Variants in DYNLT2 observed in about 807,000 individuals in gnomAD.
DYNLT2 encodes dynein light chain Tctex-type protein 2.
DYNLT2 carries 24 observed loss-of-function variants against 24.3 expected under a neutral mutation model. The observed-to-expected ratio is 0.99, with a 90% CI of 0.71 to 1.39. DYNLT2 has a LOEUF of 1.39. Ranked by LOEUF, DYNLT2 falls within the 40% of genes most tolerant of loss-of-function variation. The probability of loss-of-function intolerance (pLI) is 0.00; values close to 1 mark genes in which losing one functional copy is unlikely to be tolerated. For missense variants in DYNLT2, 246 were observed against 234.5 expected, an observed-to-expected ratio of 1.05 and a Z score of -0.32; for synonymous variants, 85 against 85.4, an observed-to-expected ratio of 1.00 and a Z score of 0.03.
downstream of DYNLT2, among the ~76,000 whole-genome samples, chr6:169,735,905 C>A (rs1483686103): frequency 6.6e-6 from 1 of 152,086 alleles, no homozygotes; most frequent in Non-Finnish European, 1.5e-5. Context: ...CTCACTATCA[C>A]TGTGTGGGAG....
At chr6:169,735,560 C>T (rs922211482), downstream of DYNLT2, among the ~76,000 whole-genome samples, 3 of 152,178 alleles carry the variant, frequency 2.0e-5, no homozygotes, top group African/African-American at 7.2e-5. Context: ...CATTCAGGAG[C>T]AGGTTGTTCA....
chr6:169,734,053 TG>T, the DYNLT2 span, among the ~76,000 whole-genome samples: 1 of 152,166 alleles, frequency 6.6e-6, no homozygotes, highest in Non-Finnish European at 1.5e-5. Flanking sequence ...TGAGTGTGAA[TG>T]GGAGTTTATT....
chr6:169,730,209 T>G, the DYNLT2 span, among the ~76,000 whole-genome samples: 1 of 152,200 alleles, frequency 6.6e-6, no homozygotes, highest in Admixed American at 6.5e-5. Context: ...TGCCTTGTTT[T>G]GGATGGCTCA....
At chr6:169,751,172 C>T (rs1200948102) in intron 1 of DYNLT2, 167 bp downstream of exon 1, 8 of 1,078,062 alleles carry the variant, frequency 7.4e-6, no homozygotes, top group Non-Finnish European at 1.1e-5. Context: ...GACTGCCCAA[C>T]TCAGTCTCAG....
chr6:169,729,686 T>G, the DYNLT2 span, among the ~76,000 whole-genome samples: 1 of 152,184 alleles, frequency 6.6e-6, no homozygotes, highest in African/African-American at 2.4e-5. Flanking sequence ...GGGAGGTGAT[T>G]AGATTTACAT....
intron 1 of DYNLT2, among the ~76,000 whole-genome samples, chr6:169,746,754 C>A (rs1013745805): frequency 4.6e-5 from 7 of 151,974 alleles, no homozygotes; most frequent in Non-Finnish European, 1.5e-5. Context: ...AGGCCTCTGG[C>A]AATGTGCTGG....
chr6:169,730,791 A>G, the DYNLT2 span, among the ~76,000 whole-genome samples: 1 of 152,196 alleles, frequency 6.6e-6, no homozygotes, highest in African/African-American at 2.4e-5. Flanking sequence ...CCAGCTACTC[A>G]GGAGGCTGAG....
chr6:169,751,533 G>A lies in DYNLT2; in HGVS notation c.-75C>T, dbSNP rs1247163780. ...TCAAACGCCCTAGCCAGTCCCGCGA[G>A]GGCGGAAGTCTCCCACCTGCGCCTC... On this transcript the variant is annotated 5_prime_UTR_variant, in exon 1 of 4. Coordinates refer to ENST00000366774, the MANE Select transcript of DYNLT2 (RefSeq NM_174910.3). 35 of 1,610,478 alleles carry A rather than the reference G, an allele frequency of 2.2e-5. No individual in the cohort carries two copies. Among genetic ancestry groups the A allele is most frequent in the Admixed American group, 3.4e-5 (2 of 59,396 alleles).
the DYNLT2 span, among the ~76,000 whole-genome samples, chr6:169,727,650 A>G: frequency 2.0e-5 from 3 of 151,446 alleles, no homozygotes; most frequent in Non-Finnish European, 4.4e-5. Flanking sequence ...TGCAAGCTCC[A>G]CCTCCTGGGT....
the DYNLT2 span, among the ~76,000 whole-genome samples, chr6:169,730,841 T>G: frequency 1.3e-5 from 2 of 152,202 alleles, no homozygotes; most frequent in African/African-American, 4.8e-5. Context: ...GAGCTTGCAG[T>G]GAGCCGATGG....
chr6:169,740,135 T>C lies in DYNLT2; in HGVS notation c.*50A>G. On this transcript the variant is annotated 3_prime_UTR_variant, in exon 4 of 4. Coordinates refer to ENST00000366774, the MANE Select transcript of DYNLT2 (RefSeq NM_174910.3). ...GAGGTTTACAAATATGTAAATTTCATTTATTTTTGAAAAGTTCGGAAGTAA... is the reference window on the plus strand; with the variant it reads ...GAGGTTTACAAATATGTAAATTTCACTTATTTTTGAAAAGTTCGGAAGTAA... 8.2e-7 allele frequency: 1 copy of C among 1,219,088 alleles called. No individual in the cohort carries two copies. The highest frequency in any genetic ancestry group is 1.3e-5 in the South Asian group (1 of 78,910). 75.5% of individuals were successfully genotyped at this position (1,219,088 alleles called of 1,614,324 possible).
intron 1 of DYNLT2, among the ~76,000 whole-genome samples, chr6:169,748,535 CATAA>C (rs773715438): frequency 3.3e-5 from 5 of 152,228 alleles, no homozygotes; most frequent in East Asian, 1.9e-4. Context: ...AAGTCCCTCA[CATAA>C]ATAAATCTCT....
chr6:169,732,897 A>C, the DYNLT2 span, among the ~76,000 whole-genome samples: 1 of 152,162 alleles, frequency 6.6e-6, no homozygotes, highest in Non-Finnish European at 1.5e-5. Context: ...TTACATTCTC[A>C]CCAACAGTGT....
chr6:169,736,142 GTT>G (rs59505534), downstream of DYNLT2, among the ~76,000 whole-genome samples: 4 of 142,966 alleles, frequency 2.8e-5, no homozygotes, highest in Admixed American at 1.4e-4. Flanking sequence ...TTTTTTGTTT[GTT>G]TTTTTTTTTG....
At chr6:169,738,014 T>C (rs776412979), downstream of DYNLT2, among the ~76,000 whole-genome samples, 1 of 152,038 alleles carries the variant, frequency 6.6e-6, no homozygotes, top group African/African-American at 2.4e-5. Context: ...GCTGGAGTTA[T>C]TGGAGATCCT....
intron 1 of DYNLT2, 65 bp from the exon 2 acceptor site, chr6:169,744,339 G>T: frequency 7.2e-7 from 1 of 1,391,176 alleles, no homozygotes; most frequent in Non-Finnish European, 9.9e-7. Flanking sequence ...CTGTAAATGA[G>T]TTTTCAGATT....
the DYNLT2 span, among the ~76,000 whole-genome samples, chr6:169,733,227 C>G: frequency 6.6e-6 from 1 of 151,232 alleles, no homozygotes; most frequent in Non-Finnish European, 1.5e-5. Flanking sequence ...TTCTCCCATT[C>G]TGTAGGTTGC....
chr6:169,725,467 A>G, the DYNLT2 span: 878 of 397,184 alleles, frequency 2.2e-3, 3 homozygotes, highest in African/African-American at 0.015. Context: ...CCTCAAGCCG[A>G]TCCTAATCCA....
chr6:169,737,125 T>G (rs981748812), downstream of DYNLT2, among the ~76,000 whole-genome samples: 1 of 152,220 alleles, frequency 6.6e-6, no homozygotes, highest in Non-Finnish European at 1.5e-5. Flanking sequence ...TACTTGTGTA[T>G]GCTTCACGAA....
Sources: gnomAD v4.1 joint callset for allele counts (sites outside exome capture counted in the v4.1 genomes callset) on GRCh38, gnomAD v4.1.1 for gene constraint, MANE v1.5 for transcripts, NCBI Gene and HGNC (gene_info 2026-07-23, HGNC 2026-07-21) for gene names.